The following MIA2 variants were observed in gnomAD, a reference collection of about 807,000 sequenced individuals.
MIA2 encodes MIA SH3 domain ER export factor 2.
A neutral mutation model predicts 167.8 loss-of-function variants in MIA2; 127 were observed. The ratio of observed to expected loss-of-function variants is 0.76; its 90% confidence interval spans 0.66 to 0.88. The LOEUF (loss-of-function observed/expected upper bound fraction) is 0.88. Among genes scored for constraint, MIA2 ranks in the 40% least tolerant of loss-of-function variants. MIA2 has a pLI of 0.00. For synonymous variants in MIA2, 552 were observed against 541.9 expected (o/e 1.02, Z -0.26); for missense variants, 1,690 against 1,624.7 (o/e 1.04, Z -0.69).
In MIA2 at chr14:39,359,142, C is replaced by G. The variant is rs370275296; in HGVS notation, c.2248+10165C>G. 9.2e-5 allele frequency among the ~76,000 whole-genome samples: 14 copies of G among 152,286 alleles called. No individual in the cohort carries two copies. The East Asian group carries it at 1.7e-3, about 19-fold the overall frequency. On this transcript the variant is annotated intron_variant, in intron 23 of 23. Transcript: ENST00000341502. The stretch of plus-strand genomic sequence containing the variant: ...TGCCTTTTGTTTGGCTGTGCCCTGC[C>G]CCCAGAGGTGGAGTCTACAGAGGCA...
intron 24 of MIA2, among the ~76,000 whole-genome samples, chr14:39,321,294 TTATTTA>T (rs1354020881): frequency 1.3e-5 from 2 of 152,074 alleles, no homozygotes; most frequent in Non-Finnish European, 2.9e-5. Context: ...GTGTATCTTT[TTATTTA>T]TTTTTCTTTT....
At position 39,278,109 on chromosome 14, in the gene MIA2, G is replaced by T. The variant is rs190495871; in HGVS notation, c.2019+1044G>T. 3.9e-5 allele frequency among the ~76,000 whole-genome samples: 6 copies of T among 152,028 alleles called. No individual in the cohort carries two copies. In the East Asian group the frequency reaches 1.2e-3, roughly 30 times the overall value. ...CTGCCTCAGCCTCCTGAGTAGCTGG[G>T]ACTACAGGCGTGCACTACCATGCCT... On this transcript the variant is annotated intron_variant, in intron 7 of 28. Coordinates refer to ENST00000640607, the MANE Select transcript of MIA2 (RefSeq NM_001329214.4).
At chr14:39,284,264 T>G (rs1442970766) in intron 9 of MIA2, among the ~76,000 whole-genome samples, 1 of 152,330 alleles carries the variant, frequency 6.6e-6, no homozygotes, top group Middle Eastern at 3.4e-3. Context: ...GTTTCATTCT[T>G]TTGCGTGTGA....
chr14:39,325,645 G>A (rs1014724080), intron 24 of MIA2, among the ~76,000 whole-genome samples: 1 of 151,710 alleles, frequency 6.6e-6, no homozygotes, highest in African/African-American at 2.4e-5. Flanking sequence ...GGGATTACAG[G>A]TGTGAGCCAC....
intron 23 of MIA2, chr14:39,385,431 A>C: frequency 7.6e-7 from 1 of 1,319,340 alleles, no homozygotes; most frequent in Admixed American, 1.7e-5. Flanking sequence ...TGTTACTTGG[A>C]GATTCAATCA....
chr14:39,368,529 A>G (rs2074869250), intron 23 of MIA2, among the ~76,000 whole-genome samples: 3 of 152,060 alleles, frequency 2.0e-5, no homozygotes, highest in African/African-American at 7.3e-5. Flanking sequence ...GAGAGACATG[A>G]TTTGGTGTAC....
intron 6 of MIA2, among the ~76,000 whole-genome samples, chr14:39,257,274 T>C (rs1005633348): frequency 2.0e-5 from 3 of 152,222 alleles, no homozygotes; most frequent in African/African-American, 7.2e-5. Flanking sequence ...TGCTCCTGTA[T>C]CGGGTGCATA....
chr14:39,333,457 T>C (rs1339285356), intron 25 of MIA2, among the ~76,000 whole-genome samples: 1 of 152,076 alleles, frequency 6.6e-6, no homozygotes, highest in Non-Finnish European at 1.5e-5. Flanking sequence ...GCAGAGATTG[T>C]ACCCAGAATA....
intron 23 of MIA2, among the ~76,000 whole-genome samples, chr14:39,381,667 G>GTTTTTTTTT (rs398057014): frequency 1.4e-5 from 2 of 145,356 alleles, no homozygotes; most frequent in East Asian, 2.0e-4. Flanking sequence ...TTTGCTGGCT[G>GTTTTTTTTT]TTTTTTTTTT....
chr14:39,386,805 C>T, intron 23 of MIA2: 3 of 1,012,072 alleles, frequency 3.0e-6, no homozygotes, highest in Non-Finnish European at 4.7e-6. Flanking sequence ...ATTAGTGTCA[C>T]CATTACTGAT....
chr14:39,279,390 G>T lies in MIA2; in HGVS notation c.2041+32G>T, dbSNP rs201029778. ...TCTTTTTTCTGCTTTGACTCTCATT[G>T]TTGTGTTGTAAAAACTTATAATAAT... On this transcript the variant is annotated intron_variant, in intron 8 of 28. Coordinates refer to ENST00000640607, the MANE Select transcript of MIA2 (RefSeq NM_001329214.4). 1.9e-3 allele frequency: 3,053 copies of T among 1,606,228 alleles called. 16 individuals carry two copies. Among genetic ancestry groups the T allele is most frequent in the Middle Eastern group, 7.0e-3 (42 of 6,004 alleles).
chr14:39,251,431 T>C lies in MIA2; in HGVS notation c.1568-1317T>C, dbSNP rs147240420. On this transcript the variant is annotated intron_variant, in intron 4 of 28. Coordinates refer to ENST00000640607, the MANE Select transcript of MIA2 (RefSeq NM_001329214.4). ...ATAAATCTTAAAGCTTAGGTTTAAA[T>C]GTGTAAATAATATCTAAAAATATAA... is the stretch of plus-strand genomic sequence containing the variant. 9.5e-3 allele frequency among the ~76,000 whole-genome samples: 1,439 copies of C among 151,756 alleles called. 19 individuals are homozygous for C. The highest frequency in any genetic ancestry group is 0.032 in the African/African-American group (1,312 of 41,150).
At chr14:39,332,483 G>C (rs1250369760) in intron 25 of MIA2, among the ~76,000 whole-genome samples, 1 of 152,118 alleles carries the variant, frequency 6.6e-6, no homozygotes, top group Non-Finnish European at 1.5e-5. Context: ...TTGTTCCCTT[G>C]CTGCCAAGGA....
In MIA2 at chr14:39,238,811, A is replaced by AAACAAAAAAAAAAAAC; in HGVS notation, c.250-1750_250-1749insAACAAAAAAAAAAAAC. On this transcript the variant is annotated intron_variant, in intron 2 of 28. Coordinates refer to ENST00000640607, the MANE Select transcript of MIA2 (RefSeq NM_001329214.4). ...CCTGTCTCAAAAAAAAAAAAAAAAAACCCAAAAAACAAAAAAACCTAGCTG... is the reference window on the plus strand; with the variant it reads ...CCTGTCTCAAAAAAAAAAAAAAAAAAAACAAAAAAAAAAAACCCCAAAAAACAAAAAAACCTAGCTG... Among the ~76,000 whole-genome samples, 4 of 103,608 alleles carry AAACAAAAAAAAAAAAC rather than the reference A, an allele frequency of 3.9e-5. 1 individual carries two copies. The highest frequency in any genetic ancestry group is 1.6e-4 in the African/African-American group (4 of 25,534). 68.0% of individuals were successfully genotyped at this position (103,608 alleles called of 152,430 possible).
intron 23 of MIA2, among the ~76,000 whole-genome samples, chr14:39,366,080 T>C (rs2074816579): frequency 6.6e-6 from 1 of 152,168 alleles, no homozygotes; most frequent in Non-Finnish European, 1.5e-5. Context: ...TGCAGTTTCT[T>C]AGACTTTAAG....
downstream of MIA2, among the ~76,000 whole-genome samples, chr14:39,356,085 A>T (rs2074517234): frequency 6.6e-6 from 1 of 152,114 alleles, no homozygotes; most frequent in African/African-American, 2.4e-5. Flanking sequence ...GTTAGGGAGG[A>T]TTCCCTCTTT....
chr14:39,291,173 C>T (rs941052030), intron 10 of MIA2, 77 bp downstream of exon 10: 15 of 1,281,874 alleles, frequency 1.2e-5, no homozygotes, highest in African/African-American at 6.1e-5. Context: ...AATGTATCTT[C>T]TGAAAACTAT....
chr14:39,265,726 ATT>A, intron 6 of MIA2: 1 of 280,644 alleles, frequency 3.6e-6, no homozygotes, highest in South Asian at 6.0e-5. Context: ...AAGAATTTTT[ATT>A]GAGTAATACA....
intron 23 of MIA2, among the ~76,000 whole-genome samples, chr14:39,359,787 AAC>A (rs1335604941): frequency 1.3e-5 from 2 of 152,304 alleles, no homozygotes; most frequent in Admixed American, 1.3e-4. Flanking sequence ...TGCTGTGATA[AAC>A]ACACAAGTGC....
Sources: allele counts gnomAD v4.1 joint callset (sites outside exome capture counted in the v4.1 genomes callset), GRCh38; gene constraint gnomAD v4.1.1; transcripts MANE v1.5; gene names NCBI Gene and HGNC (gene_info 2026-07-23, HGNC 2026-07-21).